The following SIK3 variants were observed in gnomAD, a reference collection of about 807,000 sequenced individuals.
SIK3 encodes the protein serine/threonine-protein kinase SIK3.
SIK3 carries 28 observed loss-of-function variants against 144.2 expected under a neutral mutation model. That is an observed-to-expected ratio of 0.19 (90% CI 0.14 to 0.27). SIK3 has a LOEUF of 0.27. SIK3 is among the 10% of genes least tolerant of loss of function. The pLI, the probability that SIK3 is intolerant of heterozygous loss-of-function variation, is 1.00. For synonymous variants in SIK3, 686 were observed against 676.3 expected, an observed-to-expected ratio of 1.01 and a Z score of -0.22; for missense variants, 1,319 against 1,776.0, an observed-to-expected ratio of 0.74 and a Z score of 4.62.
intron 1 of SIK3, among the ~76,000 whole-genome samples, chr11:117,049,944 A>G (rs1015947432): frequency 1.1e-4 from 14 of 128,720 alleles, no homozygotes; most frequent in African/African-American, 4.3e-4. Context: ...TGGGCGTCTG[A>G]GCGAAAACCT....
At chr11:117,065,419 T>A (rs1953967058) in intron 1 of SIK3, among the ~76,000 whole-genome samples, 1 of 152,034 alleles carries the variant, frequency 6.6e-6, no homozygotes. Context: ...AAATGAATTT[T>A]TCATTTTTTT....
chr11:117,039,229 T>G (rs1479918642), intron 1 of SIK3, among the ~76,000 whole-genome samples: 5 of 152,182 alleles, frequency 3.3e-5, no homozygotes, highest in Admixed American at 2.6e-4. Context: ...AAAAGATACC[T>G]ATTGTCTTCA....
chr11:116,967,877 A>C (rs2135451447), intron 1 of SIK3, among the ~76,000 whole-genome samples: 1 of 152,272 alleles, frequency 6.6e-6, no homozygotes, highest in Admixed American at 6.5e-5. Context: ...GTGTTTTCCG[A>C]AGAACAGGTG....
chr11:116,943,611 G>A (rs914271142), intron 3 of SIK3, among the ~76,000 whole-genome samples: 9 of 151,862 alleles, frequency 5.9e-5, no homozygotes, highest in African/African-American at 1.7e-4. Context: ...AGTCTATTGC[G>A]CCCTCCACTC....
At chr11:116,927,434 A>G in intron 3 of SIK3, 54 bp from the exon 4 acceptor site, 1 of 1,575,616 alleles carries the variant, frequency 6.3e-7, no homozygotes, top group Non-Finnish European at 8.7e-7. Context: ...GTGTAATTTC[A>G]AAAGGTAGAC....
chr11:117,086,259 T>C (rs1954998488), intron 1 of SIK3, among the ~76,000 whole-genome samples: 1 of 152,260 alleles, frequency 6.6e-6, no homozygotes, highest in African/African-American at 2.4e-5. Context: ...ACTGCTGCAT[T>C]ACCATATTTA....
chr11:116,966,936 T>C (rs569676490), intron 1 of SIK3, among the ~76,000 whole-genome samples: 9 of 141,356 alleles, frequency 6.4e-5, no homozygotes, highest in Non-Finnish European at 1.2e-4. Context: ...ACCAGGAAGG[T>C]GGAGGTTGCA....
chr11:117,097,336 A>G (rs1210307486), intron 1 of SIK3, among the ~76,000 whole-genome samples: 1 of 151,774 alleles, frequency 6.6e-6, no homozygotes, highest in African/African-American at 2.4e-5. Flanking sequence ...AAAGCCCACA[A>G]TTCCCGACCC....
At chr11:117,021,739 G>T (rs1451491419) in intron 1 of SIK3, among the ~76,000 whole-genome samples, 2 of 151,602 alleles carry the variant, frequency 1.3e-5, no homozygotes, top group African/African-American at 4.8e-5. Flanking sequence ...TGAAGCAGGA[G>T]AATCCCCTAG....
chr11:116,937,516 A>G (rs535570086), intron 3 of SIK3, among the ~76,000 whole-genome samples: 8 of 152,362 alleles, frequency 5.3e-5, no homozygotes, highest in African/African-American at 1.9e-4. Flanking sequence ...CTGCTAGAGC[A>G]GCCCAAATAG....
intron 21 of SIK3, among the ~76,000 whole-genome samples, chr11:116,853,138 G>A (rs528289604): frequency 5.9e-5 from 9 of 152,274 alleles, no homozygotes; most frequent in Non-Finnish European, 1.0e-4. Flanking sequence ...TTGGGGGCTC[G>A]AAAAGACAAC....
rs536723356 is a variant in SIK3 at position 116,851,895 on chromosome 11, T to C, written c.3656-2612A>G. Among the ~76,000 whole-genome samples the C allele has an allele frequency of 8.9e-4, 135 of 152,360 alleles. 1 individual carries two copies. The highest frequency in any genetic ancestry group is 3.1e-3 in the African/African-American group (128 of 41,576). On this transcript the variant is annotated intron_variant, in intron 21 of 24. Coordinates refer to ENST00000445177, the MANE Select transcript of SIK3 (RefSeq NM_001366686.3). ...TTCTGTCTGCTTTGCCAAGAAGCAATGCGAGCAGCCGCTTCTTACTTTTTC... is the reference window on the plus strand; with the variant it reads ...TTCTGTCTGCTTTGCCAAGAAGCAACGCGAGCAGCCGCTTCTTACTTTTTC...
At chr11:116,955,957 G>A (rs776895995) in intron 2 of SIK3, among the ~76,000 whole-genome samples, 1 of 152,084 alleles carries the variant, frequency 6.6e-6, no homozygotes, top group Non-Finnish European at 1.5e-5. Flanking sequence ...CTTGCCCATA[G>A]AGCCTTGGGT....
At chr11:117,051,128 G>A (rs1197913603) in intron 1 of SIK3, among the ~76,000 whole-genome samples, 1 of 152,152 alleles carries the variant, frequency 6.6e-6, no homozygotes, top group Admixed American at 6.5e-5. Flanking sequence ...GAGAGCAAAC[G>A]GCAGAGGAAG....
intron 1 of SIK3, among the ~76,000 whole-genome samples, chr11:117,071,308 G>T (rs1167312872): frequency 2.0e-5 from 3 of 152,034 alleles, no homozygotes; most frequent in African/African-American, 4.8e-5. Flanking sequence ...ATGCTAAATT[G>T]TATGAATCAG....
In SIK3 at chr11:116,849,044, C is replaced by A. The variant is rs878924303; in HGVS notation, c.3819+76G>T. On this transcript the variant is annotated intron_variant, in intron 22 of 24. Coordinates refer to ENST00000445177, the MANE Select transcript of SIK3 (RefSeq NM_001366686.3). This position sits in a 1 kb window ranked among gnomAD's most constrained non-coding sequence, Gnocchi z 4.2. ...TGAGGAGAGCGGCCAAGAGAGGCTACCCCACATCACTATACTCTGTTTCAA... is the reference window on the plus strand; with the variant it reads ...TGAGGAGAGCGGCCAAGAGAGGCTAACCCACATCACTATACTCTGTTTCAA... 592 of 1,458,966 alleles carry A rather than the reference C, an allele frequency of 4.1e-4. No homozygotes were observed. The highest frequency in any genetic ancestry group is 2.5e-4 in the Middle Eastern group (1 of 3,926). 90.4% of individuals were successfully genotyped at this position (1,458,966 alleles called of 1,614,324 possible). A position where few individuals can be genotyped will look rare whatever the true frequency, so the allele number is the denominator to read the frequency against.
intron 1 of SIK3, among the ~76,000 whole-genome samples, chr11:116,979,846 C>T (rs749991757): frequency 9.9e-5 from 15 of 151,850 alleles, no homozygotes; most frequent in Non-Finnish European, 1.8e-4. Flanking sequence ...GACTCCATCT[C>T]CAACAAACAA....
intron 1 of SIK3, among the ~76,000 whole-genome samples, chr11:117,058,814 T>C (rs1421241764): frequency 6.6e-6 from 1 of 152,156 alleles, no homozygotes; most frequent in Non-Finnish European, 1.5e-5. Context: ...CAAATTAATA[T>C]GATGAAATCA....
Position 116,859,423 on chromosome 11 carries a change from C to T in SIK3, c.2607G>A (p.Met869Ile), listed in dbSNP as rs769360737. 3.1e-6 allele frequency: 5 copies of T among 1,614,238 alleles called. No homozygotes were observed. The highest frequency in any genetic ancestry group is 4.2e-6 in the Non-Finnish European group (5 of 1,180,044). ...VQEPVDMLSN[M>I]PGTAAGSSGR... Reference sequence around the variant, plus strand: ...CACTGGAGCCTGCAGCTGTGCCTGGCATGTTGCTGAGCATGTCAACAGGCT... The same window carrying T: ...CACTGGAGCCTGCAGCTGTGCCTGGTATGTTGCTGAGCATGTCAACAGGCT... The change falls in exon 20 of 25, where the codon ATG (methionine) becomes ATA (isoleucine). Residue 869 changes from methionine to isoleucine, a missense_variant. By Grantham distance (10) the Met-to-Ile change is conservative. Transcript: ENST00000445177.
Sources: gnomAD v4.1 joint callset for allele counts (sites outside exome capture counted in the v4.1 genomes callset) on GRCh38, gnomAD v4.1.1 for gene constraint, Gnocchi (gnomAD v3.1) non-coding constraint, MANE v1.5 for transcripts, NCBI Gene and HGNC (gene_info 2026-07-23, HGNC 2026-07-21) for gene names.